The following PHF21A variants were observed in gnomAD, a reference collection of about 807,000 sequenced individuals.
PHF21A encodes the protein BHC80a.
In PHF21A, 11 loss-of-function variants were observed where a neutral mutation model predicts 82.5. The observed-to-expected ratio is 0.13, with a 90% CI of 0.08 to 0.22. The LOEUF (loss-of-function observed/expected upper bound fraction) is 0.22. Among genes scored for constraint, PHF21A ranks in the 10% least tolerant of loss-of-function variants. The pLI, the probability that PHF21A is intolerant of heterozygous loss-of-function variation, is 1.00. For missense variants in PHF21A, 579 were observed against 837.8 expected, an observed-to-expected ratio of 0.69 and a Z score of 3.81; for synonymous variants, 297 against 302.8, an observed-to-expected ratio of 0.98 and a Z score of 0.20.
At chr11:45,998,791 A>C (rs972928674) in intron 6 of PHF21A, among the ~76,000 whole-genome samples, 6 of 149,728 alleles carry the variant, frequency 4.0e-5, no homozygotes, top group Admixed American at 2.0e-4. Context: ...GGATGCTGGG[A>C]TTACAGGCAT....
At chr11:45,949,061 A>C in intron 13 of PHF21A, 115 bp from the exon 14 acceptor site, 1 of 842,708 alleles carries the variant, frequency 1.2e-6, no homozygotes, top group Non-Finnish European at 2.1e-6. Context: ...AGTTAGTGCT[A>C]ATCATCCTAA....
At chr11:46,113,244 G>A (rs748269103) in intron 1 of PHF21A, among the ~76,000 whole-genome samples, 43 of 152,316 alleles carry the variant, frequency 2.8e-4, no homozygotes, top group Non-Finnish European at 4.9e-4. Context: ...TTTCAAGAAA[G>A]TCTGAACTAT....
chr11:46,112,647 CAG>C (rs1425850961), intron 1 of PHF21A, among the ~76,000 whole-genome samples: 1 of 152,086 alleles, frequency 6.6e-6, no homozygotes, highest in Non-Finnish European at 1.5e-5. Flanking sequence ...TTAAAGCGTA[CAG>C]ATATTCAAGA....
At position 46,036,882 on chromosome 11, in the gene PHF21A, A is replaced by T. The variant is rs188757326; in HGVS notation, c.153+39872T>A. Among the ~76,000 whole-genome samples the T allele has an allele frequency of 3.3e-3, 508 of 152,078 alleles. 7 individuals are homozygous for T. The highest frequency in any genetic ancestry group is 0.011 in the African/African-American group (451 of 41,474). The stretch of plus-strand genomic sequence containing the variant: ...ATAGCATTTTTTATGTTTAAAAAAA[A>T]TTTTTTTTGTAGAGATGAGGGTCTT... On this transcript the variant is annotated intron_variant, in intron 6 of 18. Coordinates refer to ENST00000676320, the MANE Select transcript of PHF21A (RefSeq NM_001352027.3).
rs1247754256 is a variant in PHF21A, at chr11:45,938,259, C to T, written c.1506G>A (p.Leu502=). 3 of 1,611,716 alleles carry T rather than the reference C, an allele frequency of 1.9e-6. No homozygotes were observed. In the African/African-American group the frequency reaches 4.0e-5, roughly 22 times the overall value. The change falls in exon 16 of 19, where the codon CTG becomes CTA. Residue 502 remains leucine (L), a synonymous_variant. Coordinates refer to ENST00000676320, the MANE Select transcript of PHF21A (RefSeq NM_001352027.3). ...CSVCRKSGQL[L]MCDTCSRVYH... ...ATACACGGGAACATGTGTCGCACAT[C>T]AGTAACTGGCCACTTTTTCTGCAAA...
Position 45,974,581 on chromosome 11 carries a change from G to A in PHF21A, c.361-3214C>T, listed in dbSNP as rs542490467. Among the ~76,000 whole-genome samples the A allele has an allele frequency of 2.6e-5, 4 of 151,738 alleles. No individual in the cohort carries two copies. The South Asian group carries it at 8.4e-4, about 32-fold the overall frequency. On this transcript the variant is annotated intron_variant, in intron 7 of 18. Coordinates refer to ENST00000676320, the MANE Select transcript of PHF21A (RefSeq NM_001352027.3). The stretch of plus-strand genomic sequence containing the variant: ...TAATCCTCCCATCTCATTCTCCTGA[G>A]TACCTTGGACTAAAGGCAGGTGCTA...
chr11:46,108,781 GTGAATGTAAACCA>G (rs1455116351), intron 1 of PHF21A, among the ~76,000 whole-genome samples: 2 of 152,098 alleles, frequency 1.3e-5, no homozygotes, highest in African/African-American at 4.8e-5. Flanking sequence ...GACTGAAATA[GTGAATGTAAACCA>G]TTTGCACCTA....
intron 3 of PHF21A, among the ~76,000 whole-genome samples, chr11:46,089,789 T>C (rs2096902342): frequency 8.1e-6 from 1 of 123,996 alleles, no homozygotes; most frequent in Non-Finnish European, 1.6e-5. Flanking sequence ...CTTTCTAATC[T>C]CTATTTGTTT....
rs570423930 is a variant in PHF21A, at chr11:45,959,874, T to C, written c.996+5441A>G. Reference sequence around the variant, plus strand: ...ACAGAAAAATAACCCAATTTAAAAATTGGCAAAGGATTTGAATAGACCTTT... The same window carrying C: ...ACAGAAAAATAACCCAATTTAAAAACTGGCAAAGGATTTGAATAGACCTTT... On this transcript the variant is annotated intron_variant, in intron 10 of 18. Coordinates refer to ENST00000676320, the MANE Select transcript of PHF21A (RefSeq NM_001352027.3). Among the ~76,000 whole-genome samples the C allele has an allele frequency of 9.8e-5, 15 of 152,300 alleles. No homozygotes were observed. The East Asian group carries it at 1.7e-3, about 18-fold the overall frequency.
intron 6 of PHF21A, among the ~76,000 whole-genome samples, chr11:46,003,395 C>T (rs1046207127): frequency 2.0e-5 from 3 of 151,984 alleles, no homozygotes; most frequent in Non-Finnish European, 2.9e-5. Context: ...TACCTATCCT[C>T]TCCCCCACTG....
At chr11:46,058,099 A>C (rs1459135314) in intron 6 of PHF21A, among the ~76,000 whole-genome samples, 2 of 152,210 alleles carry the variant, frequency 1.3e-5, no homozygotes, top group Non-Finnish European at 2.9e-5. Context: ...GATCTCACTT[A>C]AACCTGCAGA....
chr11:46,066,360 T>C (rs971849245), intron 6 of PHF21A, among the ~76,000 whole-genome samples: 1 of 152,144 alleles, frequency 6.6e-6, no homozygotes, highest in African/African-American at 2.4e-5. Flanking sequence ...TATTTATCTG[T>C]ATGGTATACC....
intron 3 of PHF21A, among the ~76,000 whole-genome samples, chr11:46,087,715 A>T (rs529047492): frequency 2.0e-5 from 3 of 152,270 alleles, no homozygotes; most frequent in Admixed American, 6.5e-5. Context: ...AAGGGGTCTC[A>T]TATGTTGCCC....
rs764859496 is a variant in PHF21A at position 45,933,938 on chromosome 11, G to C, written c.*30C>G. ...AGTGTTCTGTTCTCCTTGCCGCCGG[G>C]ATCCCGTGGCTTCTCCTAGAGGGGC... On this transcript the variant is annotated 3_prime_UTR_variant, in exon 19 of 19. Coordinates refer to ENST00000676320, the MANE Select transcript of PHF21A (RefSeq NM_001352027.3). 5 of 1,485,904 alleles carry C rather than the reference G, an allele frequency of 3.4e-6. No individual in the cohort carries two copies. Among genetic ancestry groups the C allele is most frequent in the Non-Finnish European group, 4.5e-6 (5 of 1,116,872 alleles). 92.0% of individuals were successfully genotyped at this position (1,485,904 alleles called of 1,614,324 possible). A position where few individuals can be genotyped will look rare whatever the true frequency, so the allele number is the denominator to read the frequency against.
At chr11:45,968,766 C>G (rs2093591918) in intron 9 of PHF21A, among the ~76,000 whole-genome samples, 1 of 151,564 alleles carries the variant, frequency 6.6e-6, no homozygotes. Flanking sequence ...CCCGTCTCTA[C>G]TAAAAATACA....
intron 10 of PHF21A, among the ~76,000 whole-genome samples, chr11:45,959,617 A>C (rs2092949631): frequency 6.6e-6 from 1 of 152,238 alleles, no homozygotes; most frequent in South Asian, 2.1e-4. Context: ...TGCAGATGAC[A>C]TGATCTTACA....
chr11:46,095,722 C>A (rs914313614), intron 1 of PHF21A, among the ~76,000 whole-genome samples: 3 of 151,726 alleles, frequency 2.0e-5, no homozygotes, highest in African/African-American at 7.3e-5. Context: ...GAAACCCTTG[C>A]GATATGAAGA....
At position 46,119,360 on chromosome 11, in the gene PHF21A, C is replaced by T. The variant is rs570658680; in HGVS notation, c.-237+1575G>A. The stretch of plus-strand genomic sequence containing the variant: ...GCCCACACATGCCCGGACCTTCACT[C>T]AGATTTGAAATTCTAGAAATCCAGA... On this transcript the variant is annotated intron_variant, in intron 1 of 18. Coordinates refer to ENST00000676320, the MANE Select transcript of PHF21A (RefSeq NM_001352027.3). Among the ~76,000 whole-genome samples, 8 of 152,320 alleles carry T rather than the reference C, an allele frequency of 5.3e-5. 1 individual carries two copies. The highest frequency in any genetic ancestry group is 1.9e-4 in the African/African-American group (8 of 41,568).
intron 6 of PHF21A, among the ~76,000 whole-genome samples, chr11:46,022,322 G>A (rs1368502739): frequency 6.6e-6 from 1 of 152,104 alleles, no homozygotes; most frequent in Non-Finnish European, 1.5e-5. Context: ...AGGTATGGTG[G>A]CTCACACCTG....
Sources: gnomAD v4.1 joint callset for allele counts (sites outside exome capture counted in the v4.1 genomes callset) on GRCh38, gnomAD v4.1.1 for gene constraint, MANE v1.5 for transcripts, NCBI Gene and HGNC (gene_info 2026-07-23, HGNC 2026-07-21) for gene names.